SPOCK3: variants seen among roughly 807,000 people sequenced by gnomAD.
SPOCK3 encodes the protein testican-3.
In SPOCK3, 30 loss-of-function variants were observed where a neutral mutation model predicts 56.6. The ratio of observed to expected loss-of-function variants is 0.53; its 90% CI spans 0.40 to 0.72. The LOEUF is 0.72. Ranked by LOEUF, SPOCK3 falls within the 30% of genes least tolerant of loss-of-function variation. SPOCK3 has a pLI of 0.00. For missense variants in SPOCK3, 527 were observed against 530.0 expected, an observed-to-expected ratio of 0.99 and a Z score of 0.06; for synonymous variants, 196 against 183.3, an observed-to-expected ratio of 1.07 and a Z score of -0.56.
chr4:167,219,462 G>A (rs373174783), intron 2 of SPOCK3, among the ~76,000 whole-genome samples: 7 of 152,280 alleles, frequency 4.6e-5, no homozygotes, highest in African/African-American at 1.2e-4. Flanking sequence ...ACTATTTTTA[G>A]GAGGTATATC....
At chr4:167,016,805 A>G (rs1227875296) in intron 3 of SPOCK3, among the ~76,000 whole-genome samples, 1 of 152,088 alleles carries the variant, frequency 6.6e-6, no homozygotes, top group Non-Finnish European at 1.5e-5. Context: ...GCCTCTCAAA[A>G]TGCTGAGATT....
At chr4:166,826,011 C>A (rs758878779) in intron 6 of SPOCK3, among the ~76,000 whole-genome samples, 43 of 151,992 alleles carry the variant, frequency 2.8e-4, no homozygotes, top group African/African-American at 8.2e-4. Flanking sequence ...TCCATGTAAC[C>A]AAAACCACCT....
chr4:167,003,037 T>C (rs1749104669), intron 3 of SPOCK3, among the ~76,000 whole-genome samples: 2 of 151,662 alleles, frequency 1.3e-5, no homozygotes, highest in Non-Finnish European at 2.9e-5. Flanking sequence ...ATATAAAATT[T>C]TGATTAATCT....
intron 3 of SPOCK3, among the ~76,000 whole-genome samples, chr4:167,014,588 G>A (rs776588075): frequency 6.6e-6 from 1 of 152,112 alleles, no homozygotes; most frequent in Non-Finnish European, 1.5e-5. Context: ...TCAGGAGTTC[G>A]AGGGTGCAGT....
At chr4:166,962,641 A>T (rs1481089619) in intron 4 of SPOCK3, among the ~76,000 whole-genome samples, 3 of 152,138 alleles carry the variant, frequency 2.0e-5, no homozygotes, top group Non-Finnish European at 4.4e-5. Flanking sequence ...CTAGAATATT[A>T]TCTTGAAGTG....
At chr4:166,899,504 C>CTTTTTT (rs1553997540) in intron 5 of SPOCK3, among the ~76,000 whole-genome samples, 1 of 78,310 alleles carries the variant, frequency 1.3e-5, no homozygotes, top group Non-Finnish European at 3.0e-5. Flanking sequence ...GTATTTCTTT[C>CTTTTTT]TTTCTTTTTT....
intron 6 of SPOCK3, among the ~76,000 whole-genome samples, chr4:166,824,728 A>G (rs1745284458): frequency 6.6e-6 from 1 of 152,132 alleles, no homozygotes. Flanking sequence ...AAAAATAGAA[A>G]GAATCTTCAC....
At chr4:166,891,140 T>G (rs2127015230) in intron 5 of SPOCK3, among the ~76,000 whole-genome samples, 1 of 152,134 alleles carries the variant, frequency 6.6e-6, no homozygotes, top group South Asian at 2.1e-4. Context: ...ATTTTGAGCC[T>G]ATGTGTGCTC....
rs147929476 is a variant in SPOCK3 at position 166,743,294 on chromosome 4, T to A, written c.932-1235A>T. 1.3e-4 allele frequency among the ~76,000 whole-genome samples: 20 copies of A among 152,148 alleles called. 1 individual carries two copies. The East Asian group carries it at 3.9e-3, about 29-fold the overall frequency. On this transcript the variant is annotated intron_variant, in intron 8 of 10. Coordinates refer to ENST00000357545, the MANE Select transcript of SPOCK3 (RefSeq NM_001040159.2). The stretch of plus-strand genomic sequence containing the variant: ...CTTTTTAGGAAAAAGGCAAAGTATA[T>A]TAATTTAAATGTTTTTAAAATTTTA...
chr4:167,057,354 G>C (rs925418007), intron 3 of SPOCK3, among the ~76,000 whole-genome samples: 3 of 151,488 alleles, frequency 2.0e-5, no homozygotes, highest in African/African-American at 7.3e-5. Flanking sequence ...AAAGACCATC[G>C]AGGCTAGGAA....
chr4:167,220,378 C>CTTTTTTTTTTTTTTT (rs61002914), intron 2 of SPOCK3, among the ~76,000 whole-genome samples: 2 of 130,068 alleles, frequency 1.5e-5, no homozygotes, highest in African/African-American at 5.8e-5. Flanking sequence ...ACTGTAAGAA[C>CTTTTTTTTTTTTTTT]TTTTTTTTTT....
rs1259064243 is a variant in SPOCK3, at chr4:166,923,879, C to T, written c.351-11136G>A. Among the ~76,000 whole-genome samples the T allele has an allele frequency of 5.3e-5, 8 of 152,270 alleles. No individual in the cohort carries two copies. In the South Asian group the frequency reaches 1.7e-3, roughly 32 times the overall value. On this transcript the variant is annotated intron_variant, in intron 4 of 10. Coordinates refer to ENST00000357545, the MANE Select transcript of SPOCK3 (RefSeq NM_001040159.2). Reference sequence around the variant, plus strand: ...GAAAAAAATAGACCCCATTTTTATGCATTAAAAATTAAAAATGGCAGGCAT... The same window carrying T: ...GAAAAAAATAGACCCCATTTTTATGTATTAAAAATTAAAAATGGCAGGCAT...
intron 2 of SPOCK3, among the ~76,000 whole-genome samples, chr4:167,157,845 T>A (rs2150431523): frequency 6.6e-6 from 1 of 152,004 alleles, no homozygotes; most frequent in East Asian, 1.9e-4. Context: ...CCCTTCTGCC[T>A]GTATTTCTTT....
At chr4:166,965,501 C>A (rs1350696723) in intron 4 of SPOCK3, among the ~76,000 whole-genome samples, 1 of 149,840 alleles carries the variant, frequency 6.7e-6, no homozygotes, top group African/African-American at 2.4e-5. Flanking sequence ...TTAAATGTGT[C>A]GTTCTATTAT....
chr4:166,788,010 C>T (rs150279172), intron 7 of SPOCK3, among the ~76,000 whole-genome samples: 2 of 151,998 alleles, frequency 1.3e-5, no homozygotes, highest in African/African-American at 2.4e-5. Flanking sequence ...GGTGAAACCC[C>T]GTCTTCACTA....
intron 2 of SPOCK3, among the ~76,000 whole-genome samples, chr4:167,110,333 A>T (rs1760792536): frequency 6.6e-6 from 1 of 152,096 alleles, no homozygotes; most frequent in African/African-American, 2.4e-5. Context: ...GGAAAGAAAG[A>T]AAAAGAAATA....
chr4:167,007,324 C>T (rs1749566185), intron 3 of SPOCK3, among the ~76,000 whole-genome samples: 1 of 152,164 alleles, frequency 6.6e-6, no homozygotes, highest in Non-Finnish European at 1.5e-5. Context: ...CTACACACAT[C>T]CTCTTGTACA....
intron 2 of SPOCK3, among the ~76,000 whole-genome samples, chr4:167,222,492 C>T (rs7672075): frequency 0.24 from 33,642 of 142,942 alleles, 4,645 homozygotes; most frequent in African/African-American, 0.38. Flanking sequence ...ATATATATTA[C>T]ATATGAATAT....
intron 7 of SPOCK3, among the ~76,000 whole-genome samples, chr4:166,769,861 G>C (rs1420415849): frequency 6.6e-6 from 1 of 152,144 alleles, no homozygotes; most frequent in Non-Finnish European, 1.5e-5. Context: ...TGGCAGCTTT[G>C]TTTACCTACT....
Sources: gnomAD v4.1 joint callset for allele counts (sites outside exome capture counted in the v4.1 genomes callset) on GRCh38, gnomAD v4.1.1 for gene constraint, MANE v1.5 for transcripts, NCBI Gene and HGNC (gene_info 2026-07-23, HGNC 2026-07-21) for gene names.